The following USH2A variants were observed in gnomAD, a reference collection of about 807,000 sequenced individuals.
The protein encoded by USH2A is Usher syndrome 2A (autosomal recessive, mild).
Under a neutral mutation model 538.9 loss-of-function variants are expected in USH2A, and 443 were observed. The ratio of observed to expected loss-of-function variants is 0.82; its 90% confidence interval spans 0.76 to 0.89. USH2A has a LOEUF of 0.89. Among genes scored for constraint, USH2A ranks in the 40% least tolerant of loss-of-function variants. The probability of loss-of-function intolerance (pLI) is 0.00; values close to 1 mark genes in which losing one functional copy is unlikely to be tolerated. For missense variants in USH2A, 6,633 were observed against 6,324.8 expected, an observed-to-expected ratio of 1.05 and a Z score of -1.65; for synonymous variants, 2,413 against 2,273.5, an observed-to-expected ratio of 1.06 and a Z score of -1.75.
At chr1:216,163,741 C>T (rs1305218583) in intron 21 of USH2A, among the ~76,000 whole-genome samples, 3 of 151,748 alleles carry the variant, frequency 2.0e-5, no homozygotes, top group Admixed American at 6.6e-5. Flanking sequence ...GAAAACCTGG[C>T]ATGTATACCA....
chr1:216,244,841 G>A (rs184216512), intron 13 of USH2A, among the ~76,000 whole-genome samples: 1 of 152,228 alleles, frequency 6.6e-6, no homozygotes, highest in African/African-American at 2.4e-5. Flanking sequence ...CAGAAAAATT[G>A]TTTAAAACAT....
At chr1:216,218,220 A>G (rs909674283) in intron 14 of USH2A, among the ~76,000 whole-genome samples, 2 of 152,164 alleles carry the variant, frequency 1.3e-5, no homozygotes, top group African/African-American at 4.8e-5. Flanking sequence ...TAAATATAGT[A>G]AGATAACTTT....
At chr1:215,816,853 A>T in intron 48 of USH2A, 144 bp downstream of exon 48, 5 of 869,252 alleles carry the variant, frequency 5.8e-6, no homozygotes, top group Non-Finnish European at 9.1e-6. Flanking sequence ...GATTTTTGTA[A>T]GCATCCTTTC....
chr1:216,099,426 C>T (rs1195684272), intron 21 of USH2A, among the ~76,000 whole-genome samples: 2 of 152,040 alleles, frequency 1.3e-5, no homozygotes, highest in African/African-American at 4.8e-5. Flanking sequence ...CTATTAAGTG[C>T]ACTGAAATGA....
intron 32 of USH2A, among the ~76,000 whole-genome samples, chr1:216,045,951 T>A (rs1004398476): frequency 6.6e-6 from 1 of 151,466 alleles, no homozygotes; most frequent in Non-Finnish European, 1.5e-5. Flanking sequence ...GAGATAAAAA[T>A]AAGCAACCCA....
At chr1:216,401,221 C>T (rs541705289) in intron 3 of USH2A, among the ~76,000 whole-genome samples, 10 of 151,922 alleles carry the variant, frequency 6.6e-5, no homozygotes, top group Non-Finnish European at 1.2e-4. Context: ...GTAATATGTC[C>T]ATGTCAGTAG....
At chr1:215,764,621 T>C (rs1475131491) in intron 56 of USH2A, among the ~76,000 whole-genome samples, 1 of 152,140 alleles carries the variant, frequency 6.6e-6, no homozygotes, top group Non-Finnish European at 1.5e-5. Flanking sequence ...TGGCTATGCA[T>C]AAACACTTCT....
At chr1:216,123,174 A>C (rs1261767337) in intron 21 of USH2A, among the ~76,000 whole-genome samples, 1 of 152,252 alleles carries the variant, frequency 6.6e-6, no homozygotes, top group Non-Finnish European at 1.5e-5. Context: ...CTGACTTAAA[A>C]AAATCTTTCT....
At chr1:215,872,746 G>A (rs1156582238) in intron 43 of USH2A, among the ~76,000 whole-genome samples, 2 of 151,920 alleles carry the variant, frequency 1.3e-5, no homozygotes, top group Non-Finnish European at 2.9e-5. Context: ...TGGATCATAG[G>A]GGTGAATCCC....
At chr1:215,815,768 T>C (rs1202788741) in intron 48 of USH2A, among the ~76,000 whole-genome samples, 2 of 152,084 alleles carry the variant, frequency 1.3e-5, no homozygotes, top group Non-Finnish European at 2.9e-5. Context: ...AGAATAAACT[T>C]AAATGGAAAC....
chr1:215,810,212 C>T (rs1662627479), intron 49 of USH2A, among the ~76,000 whole-genome samples: 2 of 152,026 alleles, frequency 1.3e-5, no homozygotes, highest in African/African-American at 4.8e-5. Flanking sequence ...TGTATTTATA[C>T]ATACAGACAA....
At chr1:215,992,907 TATGTGCTAAA>T in intron 35 of USH2A, 103 bp downstream of exon 35, 1 of 1,516,316 alleles carries the variant, frequency 6.6e-7, no homozygotes. Flanking sequence ...TTAGGTATTT[TATGTGCTAAA>T]ATGATCATTA....
At chr1:216,362,089 C>T (rs941040693) in intron 4 of USH2A, among the ~76,000 whole-genome samples, 1 of 151,892 alleles carries the variant, frequency 6.6e-6, no homozygotes, top group Non-Finnish European at 1.5e-5. Context: ...CAAGCTATAC[C>T]TTTTATATTT....
rs775137347 is a variant in USH2A at position 215,879,015 on chromosome 1, G to T, written c.8307C>A (p.Thr2769=). ...GACTTAACACTGCGGAAGTCACATT[G>T]GTTAAAGTGATGTGAGGGTCAGGCA... ...IHMPDPHITL[T]NVTSAVLSQK... Residue 2769 remains threonine (T), a synonymous_variant, in exon 42 of 72, where the codon ACC becomes ACA. Transcript: ENST00000307340. The T allele has an allele frequency of 6.2e-7, 1 of 1,613,946 alleles. No individual in the cohort carries two copies. The highest frequency in any genetic ancestry group is 1.7e-5 in the Admixed American group (1 of 60,004).
At position 215,931,298 on chromosome 1, in the gene USH2A, A is replaced by AGATGTGTCCTGACTACAAATTAAGAGAT. The variant is rs1666356752; in HGVS notation, c.7300+3290_7300+3317dup. On this transcript the variant is annotated intron_variant, in intron 38 of 71. Transcript: ENST00000307340. ...AAAATAGAGGTAGGACTGGCAAATA[A>AGATGTGTCCTGACTACAAATTAAGAGAT]GATGTGTCCTGACTACAAATTAAGA... Among the ~76,000 whole-genome samples, 3 of 151,992 alleles carry AGATGTGTCCTGACTACAAATTAAGAGAT rather than the reference A, an allele frequency of 2.0e-5. No homozygotes were observed. The Admixed American group carries it at 2.0e-4, about 10-fold the overall frequency.
At chr1:215,837,911 G>T in intron 47 of USH2A, 80 bp downstream of exon 47, 2 of 1,146,292 alleles carry the variant, frequency 1.7e-6, no homozygotes, top group Non-Finnish European at 2.7e-6. Context: ...GATTGTCATG[G>T]CTGAGAGGAT....
intron 38 of USH2A, among the ~76,000 whole-genome samples, chr1:215,917,249 C>T (rs551055070): frequency 6.6e-5 from 10 of 152,096 alleles, no homozygotes; most frequent in East Asian, 1.9e-4. Context: ...CATTTGAATT[C>T]GTCTTAGTAT....
intron 47 of USH2A, among the ~76,000 whole-genome samples, chr1:215,837,189 A>G (rs1663555801): frequency 6.6e-6 from 1 of 152,140 alleles, no homozygotes; most frequent in South Asian, 2.1e-4. Flanking sequence ...AGAAATTTCA[A>G]CATGTCATAG....
At chr1:216,052,979 A>G (rs972193389) in intron 30 of USH2A, among the ~76,000 whole-genome samples, 18 of 152,152 alleles carry the variant, frequency 1.2e-4, no homozygotes, top group African/African-American at 4.1e-4. Context: ...ATACAGTGTT[A>G]CTCTGAAGAT....
Sources: allele counts gnomAD v4.1 joint callset (sites outside exome capture counted in the v4.1 genomes callset), GRCh38; gene constraint gnomAD v4.1.1; transcripts MANE v1.5; gene names NCBI Gene and HGNC (gene_info 2026-07-23, HGNC 2026-07-21).